PHF19: variants seen among roughly 807,000 people sequenced by gnomAD.
PHF19 encodes polycomb like 3.
In PHF19, 21 loss-of-function variants were observed where a neutral mutation model predicts 79.8. The ratio of observed to expected loss-of-function variants is 0.26; its 90% CI spans 0.19 to 0.38. The LOEUF is 0.38. Ranked by LOEUF, PHF19 falls within the 10% of genes least tolerant of loss-of-function variation. The pLI, the probability that PHF19 is intolerant of heterozygous loss-of-function variation, is 1.00. For synonymous variants in PHF19, 273 were observed against 296.3 expected (o/e 0.92, Z 0.81); for missense variants, 445 against 744.2 (o/e 0.60, Z 4.68).
rs757184515 is a variant in PHF19 at position 120,869,790 on chromosome 9, C to A, written c.465+55G>T. 3 of 1,610,064 alleles carry A rather than the reference C, an allele frequency of 1.9e-6. No individual in the cohort carries two copies. The Admixed American group carries it at 5.0e-5, about 27-fold the overall frequency. On this transcript the variant is annotated intron_variant, in intron 5 of 14. Transcript: ENST00000373896. This position sits in a 1 kb window ranked among gnomAD's most constrained non-coding sequence, Gnocchi z 5.8. ...AGACTCTGTGATGGGAGTCTCTGGTCTGCCCCACTGGAGGAGGCAGGAGAG... is the reference window on the plus strand; with the variant it reads ...AGACTCTGTGATGGGAGTCTCTGGTATGCCCCACTGGAGGAGGCAGGAGAG...
At chr9:120,876,894 G>A in intron 1 of PHF19, 197 bp downstream of exon 1, 1 of 770,840 alleles carries the variant, frequency 1.3e-6, no homozygotes, top group Non-Finnish European at 1.6e-6. Flanking sequence ...CCCGGGGCTC[G>A]GGAACCCGGG....
chr9:120,872,376 G>A (rs1171171053), intron 3 of PHF19, among the ~76,000 whole-genome samples: 1 of 152,258 alleles, frequency 6.6e-6, no homozygotes, highest in African/African-American at 2.4e-5. Flanking sequence ...GCTGATCACT[G>A]TGGGTACCTC....
Position 120,870,390 on chromosome 9 carries a change from G to T in PHF19, c.364+53C>A, listed in dbSNP as rs2045859373. 9.0e-7 allele frequency: 1 copy of T among 1,109,526 alleles called. No homozygotes were observed. The highest frequency in any genetic ancestry group is 1.4e-6 in the Non-Finnish European group (1 of 723,912). 68.7% of individuals were successfully genotyped at this position (1,109,526 alleles called of 1,614,324 possible). A position where few individuals can be genotyped will look rare whatever the true frequency, so the allele number is the denominator to read the frequency against. On this transcript the variant is annotated intron_variant, in intron 4 of 14. Transcript: ENST00000373896. This position sits in a 1 kb window ranked among gnomAD's most constrained non-coding sequence, Gnocchi z 4.4. The stretch of plus-strand genomic sequence containing the variant: ...GCAGCAGTACCCGTCAGGGGCCAGT[G>T]CGTGGGGACCTATAGGTCGGGGCCT...
chr9:120,897,937 T>C (rs991039961), upstream of PHF19, among the ~76,000 whole-genome samples: 59 of 135,088 alleles, frequency 4.4e-4, no homozygotes, highest in African/African-American at 1.7e-3. Context: ...TGAGGTCGCA[T>C]CACTGCACTC....
chr9:120,864,166 G>A, intron 9 of PHF19, 50 bp from the exon 10 acceptor site: 2 of 1,532,012 alleles, frequency 1.3e-6, no homozygotes, highest in Middle Eastern at 1.7e-4. Context: ...TATGGCGCAT[G>A]GGGAGGCCCA....
chr9:120,858,881 C>T (rs2045432036), intron 14 of PHF19, among the ~76,000 whole-genome samples: 1 of 151,056 alleles, frequency 6.6e-6, no homozygotes, highest in Non-Finnish European at 1.5e-5. Context: ...AATGGACACA[C>T]AGACACACAG....
chr9:120,860,897 TG>T lies in PHF19; in HGVS notation c.1304+191del. 1.8e-6 allele frequency: 1 copy of T among 560,182 alleles called. No individual in the cohort carries two copies. Among genetic ancestry groups the T allele is most frequent in the African/African-American group, 1.9e-5 (1 of 52,858 alleles). 34.7% of individuals were successfully genotyped at this position (560,182 alleles called of 1,614,324 possible). On this transcript the variant is annotated intron_variant, in intron 13 of 14. Coordinates refer to ENST00000373896, the MANE Select transcript of PHF19 (RefSeq NM_015651.3). The surrounding 1 kb of genome is among the most constrained non-coding windows in gnomAD (Gnocchi z 4.1). ...GAGTGTGGATAACCATGGGGCAAGG[TG>T]GGGAGGGCTGGAGAAGAGGGGAGGG...
upstream of PHF19, among the ~76,000 whole-genome samples, chr9:120,881,692 C>T (rs2046187660): frequency 6.6e-6 from 1 of 152,052 alleles, no homozygotes; most frequent in Non-Finnish European, 1.5e-5. Context: ...GATAGCATTG[C>T]TTGTTAGGTG....
rs1310022876 is a variant in PHF19 at position 120,869,649 on chromosome 9, T to A, written c.465+196A>T. ...CGTTATTCCCGACACCAAACCCATCTCCACTTTACAGTTGAGGAAACTGAG... is the reference window on the plus strand; with the variant it reads ...CGTTATTCCCGACACCAAACCCATCACCACTTTACAGTTGAGGAAACTGAG... On this transcript the variant is annotated intron_variant, in intron 5 of 14. Coordinates refer to ENST00000373896, the MANE Select transcript of PHF19 (RefSeq NM_015651.3). This position sits in a 1 kb window ranked among gnomAD's most constrained non-coding sequence, Gnocchi z 5.8. The A allele has an allele frequency of 1.3e-6, 2 of 1,539,192 alleles. No individual in the cohort carries two copies. Among genetic ancestry groups the A allele is most frequent in the African/African-American group, 2.7e-5 (2 of 72,840 alleles).
chr9:120,893,658 C>G (rs1057407715), intron 1 of PHF19, among the ~76,000 whole-genome samples: 1 of 152,180 alleles, frequency 6.6e-6, no homozygotes, highest in African/African-American at 2.4e-5. Context: ...TTAGAAAGCA[C>G]ACGTCATGCA....
chr9:120,889,890 C>G (rs2046318764), intron 1 of PHF19, among the ~76,000 whole-genome samples: 1 of 152,084 alleles, frequency 6.6e-6, no homozygotes, highest in Non-Finnish European at 1.5e-5. Flanking sequence ...TGGACAGGCT[C>G]TAGGATCTGG....
At position 120,860,095 on chromosome 9, in the gene PHF19, G is replaced by A; in HGVS notation, c.1395C>T (p.Asp465=). 1 of 1,568,376 alleles carries A rather than the reference G, an allele frequency of 6.4e-7. No individual in the cohort carries two copies. The highest frequency in any genetic ancestry group is 1.2e-5 in the South Asian group (1 of 86,948). ...SGSASTSLSY[D]SRWTVGSRKR... is the part of the protein sequence containing the mutation. The stretch of plus-strand genomic sequence containing the variant: ...CAGACCTCTAGGAAGCTCACCTGGA[G>A]TCATAGGAGAGGCTGGTGGAGGCAG... The change falls in exon 14 of 15, where the codon GAC becomes GAT. Residue 465 remains aspartate (D), a synonymous_variant. Coordinates refer to ENST00000373896, the MANE Select transcript of PHF19 (RefSeq NM_015651.3). The surrounding 1 kb of genome is among the most constrained non-coding windows in gnomAD (Gnocchi z 4.1).
Position 120,860,116 on chromosome 9 carries a change from G to T in PHF19, c.1374C>A (p.Ala458=). 6.3e-7 allele frequency: 1 copy of T among 1,597,476 alleles called. No homozygotes were observed. The highest frequency in any genetic ancestry group is 8.5e-7 in the Non-Finnish European group (1 of 1,170,812). The change falls in exon 14 of 15, where the codon GCC becomes GCA. Residue 458 remains alanine, a synonymous_variant. Transcript: ENST00000373896. The surrounding 1 kb of genome is among the most constrained non-coding windows in gnomAD (Gnocchi z 4.1). ...STDAASTSGS[A]STSLSYDSRW... ...TGGAGTCATAGGAGAGGCTGGTGGA[G>T]GCAGAGCCAGAGGTGCTGGCAGCGT...
At chr9:120,868,303 G>T (rs1268903053) in intron 6 of PHF19, 1 of 152,238 alleles carries the variant, frequency 6.6e-6, no homozygotes, top group African/African-American at 2.4e-5. Flanking sequence ...AGGTTATCTT[G>T]ACTTTCATGC....
At chr9:120,877,233 G>C (rs2046092080), upstream of PHF19, 1 of 940,146 alleles carries the variant, frequency 1.1e-6, no homozygotes, top group South Asian at 4.7e-5. Flanking sequence ...GGGGCGGGGC[G>C]GGGCGGGGGC....
At chr9:120,880,230 C>T (rs2046159109), upstream of PHF19, among the ~76,000 whole-genome samples, 1 of 152,248 alleles carries the variant, frequency 6.6e-6, no homozygotes, top group African/African-American at 2.4e-5. Flanking sequence ...CACTGTGGCT[C>T]ATGCCTGTAA....
intron 9 of PHF19, among the ~76,000 whole-genome samples, chr9:120,865,361 C>T (rs2045668455): frequency 6.6e-6 from 1 of 152,180 alleles, no homozygotes; most frequent in South Asian, 2.1e-4. Flanking sequence ...CTTCCAAGGC[C>T]CTTGGTGACC....
In PHF19 at chr9:120,870,405, G is replaced by A; in HGVS notation, c.364+38C>T. The A allele has an allele frequency of 7.6e-7, 1 of 1,311,078 alleles. No homozygotes were observed. Among genetic ancestry groups the A allele is most frequent in the Non-Finnish European group, 1.1e-6 (1 of 904,168 alleles). 81.2% of individuals were successfully genotyped at this position (1,311,078 alleles called of 1,614,324 possible). Reference sequence around the variant, plus strand: ...AGGGGCCAGTGCGTGGGGACCTATAGGTCGGGGCCTTCTCAGGGCCCTGCT... The same window carrying A: ...AGGGGCCAGTGCGTGGGGACCTATAAGTCGGGGCCTTCTCAGGGCCCTGCT... On this transcript the variant is annotated intron_variant, in intron 4 of 14. Transcript: ENST00000373896. This position sits in a 1 kb window ranked among gnomAD's most constrained non-coding sequence, Gnocchi z 4.4.
At chr9:120,886,097 A>G (rs2046258810) in intron 1 of PHF19, among the ~76,000 whole-genome samples, 1 of 152,226 alleles carries the variant, frequency 6.6e-6, no homozygotes, top group Non-Finnish European at 1.5e-5. Context: ...TGCTTCTTCC[A>G]AGATTACAAT....
Sources: gnomAD v4.1 joint callset for allele counts (sites outside exome capture counted in the v4.1 genomes callset) on GRCh38, gnomAD v4.1.1 for gene constraint, Gnocchi (gnomAD v3.1) non-coding constraint, MANE v1.5 for transcripts, NCBI Gene and HGNC (gene_info 2026-07-23, HGNC 2026-07-21) for gene names.